The following SLC26A8 variants were observed in gnomAD, a reference collection of about 807,000 sequenced individuals.
SLC26A8 encodes the protein solute carrier family 26 member 8.
SLC26A8 carries 70 observed loss-of-function variants against 105.0 expected under a neutral mutation model. The ratio of observed to expected loss-of-function variants is 0.67; its 90% CI spans 0.55 to 0.81. The LOEUF (loss-of-function observed/expected upper bound fraction) is 0.81. Ranked by LOEUF, SLC26A8 falls within the 40% of genes least tolerant of loss-of-function variation. The pLI, the probability that SLC26A8 is intolerant of heterozygous loss-of-function variation, is 0.00. For synonymous variants in SLC26A8, 415 were observed against 438.3 expected (o/e 0.95, Z 0.66); for missense variants, 998 against 1,181.8 (o/e 0.84, Z 2.28).
intron 17 of SLC26A8, among the ~76,000 whole-genome samples, chr6:35,952,962 CGA>C (rs1342314867): frequency 1.4e-5 from 2 of 140,148 alleles, no homozygotes; most frequent in Non-Finnish European, 3.0e-5. Flanking sequence ...TGCAGTGAGC[CGA>C]GATCATGCCA....
intron 2 of SLC26A8, among the ~76,000 whole-genome samples, chr6:36,016,991 A>G (rs939275449): frequency 2.0e-5 from 3 of 151,842 alleles, no homozygotes; most frequent in Admixed American, 6.6e-5. Flanking sequence ...GACCAATTTG[A>G]TGAAACCCCG....
intron 3 of SLC26A8, among the ~76,000 whole-genome samples, chr6:36,009,478 CTG>C (rs1267307473): frequency 6.6e-6 from 1 of 152,142 alleles, no homozygotes; most frequent in Non-Finnish European, 1.5e-5. Flanking sequence ...TTTAAATGAA[CTG>C]TGATACATCT....
At chr6:35,966,433 A>G (rs1440948182) in intron 11 of SLC26A8, among the ~76,000 whole-genome samples, 2 of 151,434 alleles carry the variant, frequency 1.3e-5, no homozygotes, top group Non-Finnish European at 3.0e-5. Flanking sequence ...ATATGCAACA[A>G]CATTTTTATC....
At chr6:36,016,062 C>T (rs987810817) in intron 2 of SLC26A8, among the ~76,000 whole-genome samples, 3 of 151,704 alleles carry the variant, frequency 2.0e-5, no homozygotes, top group East Asian at 1.9e-4. Context: ...GGCGTGATCT[C>T]GGCTCACTGC....
intron 19 of SLC26A8, among the ~76,000 whole-genome samples, chr6:35,944,584 G>T (rs1581616911): frequency 6.6e-6 from 1 of 150,474 alleles, no homozygotes; most frequent in East Asian, 1.9e-4. Context: ...GGGCATGATG[G>T]CACATGCCTG....
At chr6:35,972,935 T>TA (rs1225693375) in intron 10 of SLC26A8, among the ~76,000 whole-genome samples, 3 of 152,246 alleles carry the variant, frequency 2.0e-5, no homozygotes, top group Admixed American at 6.5e-5. Context: ...ATCCTGCTGT[T>TA]AAGACAGCTC....
intron 2 of SLC26A8, among the ~76,000 whole-genome samples, chr6:36,014,735 C>T (rs757150249): frequency 3.3e-5 from 5 of 151,894 alleles, no homozygotes; most frequent in African/African-American, 4.8e-5. Flanking sequence ...CAAAAATAAA[C>T]GAGGTCTGTA....
intron 11 of SLC26A8, among the ~76,000 whole-genome samples, chr6:35,967,950 C>T (rs1185937104): frequency 6.6e-6 from 1 of 151,954 alleles, no homozygotes; most frequent in East Asian, 1.9e-4. Flanking sequence ...CAGGTTCAAG[C>T]GATTCTCCTG....
chr6:35,994,658 C>T (rs59435961), intron 5 of SLC26A8, among the ~76,000 whole-genome samples: 3 of 151,706 alleles, frequency 2.0e-5, no homozygotes, highest in African/African-American at 7.3e-5. Context: ...TCACTGCAAC[C>T]TGTGCCTCCC....
At chr6:35,948,482 A>C (rs1581620180) in intron 19 of SLC26A8, among the ~76,000 whole-genome samples, 1 of 152,070 alleles carries the variant, frequency 6.6e-6, no homozygotes, top group Admixed American at 6.6e-5. Flanking sequence ...CCAGCTACTC[A>C]GGACGCTGAG....
chr6:35,974,112 GT>G (rs942590919), intron 10 of SLC26A8, among the ~76,000 whole-genome samples: 1 of 152,176 alleles, frequency 6.6e-6, no homozygotes, highest in African/African-American at 2.4e-5. Context: ...GAGTTCAGGA[GT>G]TCAAGACCAG....
At chr6:35,952,742 G>A (rs111400504) in intron 17 of SLC26A8, among the ~76,000 whole-genome samples, 23 of 152,132 alleles carry the variant, frequency 1.5e-4, no homozygotes, top group Middle Eastern at 3.2e-3. Flanking sequence ...TAGGCTGAGC[G>A]CGGTGGCTCA....
intron 2 of SLC26A8, among the ~76,000 whole-genome samples, chr6:36,016,119 G>A (rs1031755780): frequency 2.0e-5 from 3 of 151,774 alleles, no homozygotes; most frequent in Admixed American, 6.6e-5. Flanking sequence ...TCAGCCTCTC[G>A]GGTAGCTGGG....
At position 36,019,845 on chromosome 6, in the gene SLC26A8, T is replaced by C. The variant is rs543972618; in HGVS notation, c.-2-136A>G. 6.4e-5 allele frequency: 53 copies of C among 830,820 alleles called. No individual in the cohort carries two copies. The African/African-American group carries it at 8.4e-4, about 13-fold the overall frequency. 51.5% of individuals were successfully genotyped at this position (830,820 alleles called of 1,614,324 possible). A position where few individuals can be genotyped will look rare whatever the true frequency, so the allele number is the denominator to read the frequency against. Reference sequence around the variant, plus strand: ...CATCTTTCAGTTGTAAAAAACTCTTTCTCAAAGTTGTATAATTTTATGTGT... The same window carrying C: ...CATCTTTCAGTTGTAAAAAACTCTTCCTCAAAGTTGTATAATTTTATGTGT... On this transcript the variant is annotated intron_variant, in intron 1 of 19. Transcript: ENST00000490799.
intron 16 of SLC26A8, among the ~76,000 whole-genome samples, chr6:35,957,910 G>A (rs1458686260): frequency 2.0e-5 from 3 of 151,680 alleles, no homozygotes; most frequent in South Asian, 2.1e-4. Context: ...CTGGCCATCC[G>A]AGATCCTTCT....
At position 35,949,950 on chromosome 6, in the gene SLC26A8, C is replaced by T. The variant is rs182889903; in HGVS notation, c.2472+1213G>A. ...CCTCCCAAGTAGCTGGGACTACAGG[C>T]GCGTGCCACCACGCCCGGCTAATTT... On this transcript the variant is annotated intron_variant, in intron 19 of 19. Coordinates refer to ENST00000490799, the MANE Select transcript of SLC26A8 (RefSeq NM_052961.4). 3.0e-3 allele frequency among the ~76,000 whole-genome samples: 462 copies of T among 151,866 alleles called. 5 individuals carry two copies. Among genetic ancestry groups the T allele is most frequent in the Middle Eastern group, 0.01 (3 of 292 alleles).
intron 11 of SLC26A8, 27 bp from the exon 12 acceptor site, chr6:35,962,648 C>T: frequency 1.2e-6 from 2 of 1,608,616 alleles, no homozygotes; most frequent in East Asian, 2.2e-5. Context: ...AATCATGGTT[C>T]ATTTTCCCTT....
At chr6:36,015,573 A>T (rs1761973287) in intron 2 of SLC26A8, among the ~76,000 whole-genome samples, 1 of 152,204 alleles carries the variant, frequency 6.6e-6, no homozygotes, top group Admixed American at 6.5e-5. Flanking sequence ...TAAGTAAGGA[A>T]GGTAGAAAGG....
intron 17 of SLC26A8, chr6:35,954,870 G>A (rs745730055): frequency 1.5e-5 from 5 of 334,450 alleles, no homozygotes; most frequent in Non-Finnish European, 2.9e-5. Context: ...TCTTGAACCT[G>A]GGAGGTGGAG....
Sources: gnomAD v4.1 joint callset for allele counts (sites outside exome capture counted in the v4.1 genomes callset) on GRCh38, gnomAD v4.1.1 for gene constraint, MANE v1.5 for transcripts, NCBI Gene and HGNC (gene_info 2026-07-23, HGNC 2026-07-21) for gene names.